The following UPF2 variants were observed in gnomAD, a reference collection of about 807,000 sequenced individuals.
UPF2 encodes UPF2 regulator of nonsense mediated mRNA decay.
Under a neutral mutation model 141.4 loss-of-function variants are expected in UPF2, and 17 were observed. That is an observed-to-expected ratio of 0.12 (90% CI 0.08 to 0.18). The LOEUF (loss-of-function observed/expected upper bound fraction) is 0.18. UPF2 is among the 10% of genes least tolerant of loss of function. UPF2 has a pLI of 1.00. For synonymous variants in UPF2, 540 were observed against 498.0 expected (o/e 1.08, Z -1.12); for missense variants, 1,152 against 1,515.9 (o/e 0.76, Z 3.99).
At chr10:12,022,069 G>A (rs1834327566) in intron 3 of UPF2, among the ~76,000 whole-genome samples, 3 of 152,120 alleles carry the variant, frequency 2.0e-5, no homozygotes, top group South Asian at 4.1e-4. Context: ...GAACCTAGGA[G>A]GTGGAAGTTG....
intron 18 of UPF2, among the ~76,000 whole-genome samples, chr10:11,941,849 G>A (rs1213872184): frequency 2.0e-5 from 3 of 152,204 alleles, no homozygotes; most frequent in Non-Finnish European, 4.4e-5. Context: ...TGAAATTACT[G>A]TGGCATTCAA....
Position 11,979,074 on chromosome 10 carries a change from C to G in UPF2, c.1936G>C (p.Gly646Arg). ...VAEDLCSMLR[G>R]DFRFHVRKKD... ...ATACATACATGAAATCTGAAATCCCCCCTCAGCATGGAACAAAGATCCTCT... is the reference window on the plus strand; with the variant it reads ...ATACATACATGAAATCTGAAATCCCGCCTCAGCATGGAACAAAGATCCTCT... The change falls in exon 9 of 22, where the codon GGG (glycine) becomes CGG (arginine). Residue 646 changes from glycine to arginine, a missense_variant. By Grantham distance (125) the Gly-to-Arg change is moderately radical. Transcript: ENST00000357604. This position sits in a 1 kb window ranked among gnomAD's most constrained non-coding sequence, Gnocchi z 6.2. 6.2e-7 allele frequency: 1 copy of G among 1,612,212 alleles called. No homozygotes were observed. The highest frequency in any genetic ancestry group is 8.5e-7 in the Non-Finnish European group (1 of 1,178,726).
At chr10:12,040,136 C>T (rs1039535821) in intron 1 of UPF2, among the ~76,000 whole-genome samples, 3 of 151,672 alleles carry the variant, frequency 2.0e-5, no homozygotes, top group African/African-American at 4.8e-5. Flanking sequence ...GAATTAGACT[C>T]GGGGCTGGGC....
intron 4 of UPF2, among the ~76,000 whole-genome samples, chr10:12,012,109 C>T (rs1162867865): frequency 6.7e-6 from 1 of 150,214 alleles, no homozygotes; most frequent in Non-Finnish European, 1.5e-5. Flanking sequence ...CTTGCCCAGG[C>T]TGGAGTGCAA....
At chr10:11,961,792 T>C (rs1254240738) in intron 11 of UPF2, among the ~76,000 whole-genome samples, 5 of 152,238 alleles carry the variant, frequency 3.3e-5, no homozygotes, top group Non-Finnish European at 7.3e-5. Flanking sequence ...TATTCACTCT[T>C]TCCTATGGAC....
intron 2 of UPF2, among the ~76,000 whole-genome samples, chr10:12,034,451 T>TA (rs1304047832): frequency 1.3e-5 from 2 of 151,900 alleles, no homozygotes; most frequent in African/African-American, 4.8e-5. Context: ...GCCTCCTGAG[T>TA]AACTGGGACT....
chr10:12,040,475 G>C (rs1176336173), intron 1 of UPF2, among the ~76,000 whole-genome samples: 1 of 151,988 alleles, frequency 6.6e-6, no homozygotes, highest in Admixed American at 6.6e-5. Flanking sequence ...CTGTACCCTA[G>C]AACATAATAA....
At chr10:11,983,116 T>C (rs762940930) in intron 8 of UPF2, among the ~76,000 whole-genome samples, 6 of 152,214 alleles carry the variant, frequency 3.9e-5, no homozygotes, top group Non-Finnish European at 2.9e-5. Flanking sequence ...GAATTATCTC[T>C]GGTAACTCAC....
In UPF2 at chr10:11,943,107, A is replaced by C. The variant is rs187453059; in HGVS notation, c.3236T>G (p.Leu1079Arg). 6.2e-7 allele frequency: 1 copy of C among 1,612,508 alleles called. No homozygotes were observed. The change falls in exon 17 of 22, where the codon CTT (leucine) becomes CGT (arginine). Residue 1079 changes from leucine to arginine, a missense_variant. By Grantham distance (102) the Leu-to-Arg change is moderately radical. This residue lies in a region of UPF2 where 202 missense variants were observed against 223.6 expected (regional missense o/e 0.90). Coordinates refer to ENST00000357604, the MANE Select transcript of UPF2 (RefSeq NM_015542.4). Reference protein sequence around the residue: ...EEEEEENTDYLTDSNKENETD... With the variant: ...EEEEEENTDYRTDSNKENETD... Reference sequence around the variant, plus strand: ...TTCATTTTCCTTATTGGAATCTGTAAGGTAATCTGTATTCTCTTCCTCCTC... The same window carrying C: ...TTCATTTTCCTTATTGGAATCTGTACGGTAATCTGTATTCTCTTCCTCCTC...
chr10:11,938,866 T>TGTTTTTTTTTTTTTTG (rs1180833674), intron 18 of UPF2, among the ~76,000 whole-genome samples: 13 of 88,638 alleles, frequency 1.5e-4, no homozygotes, highest in African/African-American at 4.8e-4. Flanking sequence ...TTTTTTTTTT[T>TGTTTTTTTTTTTTTTG]TTTTTTTTTT....
rs762400670 is a variant in UPF2, at chr10:12,001,692, T to A, written c.1638A>T (p.Lys546Asn). 1.9e-6 allele frequency: 3 copies of A among 1,601,134 alleles called. No individual in the cohort carries two copies. The East Asian group carries it at 6.7e-5, about 36-fold the overall frequency. ...GGDEAEDLTK[K>N]LLDEQEQEDE... ...GTTCTTTACCTTGTTCATCAAGAAG[T>A]TTCTTTGTAAGATCTTCAGCTTCAT... Residue 546 changes from lysine (K) to asparagine (N), a missense_variant, in exon 6 of 22, where the codon AAA (lysine) becomes AAT (asparagine). Transcript: ENST00000357604.
chr10:11,971,203 T>C (rs73571383), intron 9 of UPF2, among the ~76,000 whole-genome samples: 331 of 152,134 alleles, frequency 2.2e-3, no homozygotes, highest in African/African-American at 7.6e-3. Flanking sequence ...TTGTAACTTA[T>C]AAAAATGGCT....
At chr10:12,022,868 T>C (rs771041914) in intron 3 of UPF2, among the ~76,000 whole-genome samples, 3 of 152,144 alleles carry the variant, frequency 2.0e-5, no homozygotes, top group Admixed American at 1.3e-4. Flanking sequence ...ACTTTTTTTT[T>C]AACAATGGGC....
intron 4 of UPF2, among the ~76,000 whole-genome samples, chr10:12,013,018 G>GGGAGACTGACGCA (rs1834158340): frequency 6.6e-6 from 1 of 151,146 alleles, no homozygotes; most frequent in Admixed American, 6.6e-5. Context: ...CCAGCTACTT[G>GGGAGACTGACGCA]GGAGACTGAC....
chr10:12,017,020 G>A (rs11257483), intron 3 of UPF2, among the ~76,000 whole-genome samples: 7,734 of 139,076 alleles, frequency 0.056, 269 homozygotes, highest in Non-Finnish European at 0.081. Flanking sequence ...ACTCCATCTC[G>A]GAAAAAAAAA....
intron 18 of UPF2, among the ~76,000 whole-genome samples, chr10:11,941,827 AAT>A (rs1295890450): frequency 5.3e-5 from 8 of 152,210 alleles, no homozygotes; most frequent in Admixed American, 6.5e-5. Context: ...ACTCTAGAAA[AAT>A]ATAGTTACTT....
In UPF2 at chr10:11,935,237, C is replaced by T. The variant is rs932886363; in HGVS notation, c.3546+1308G>A. Reference sequence around the variant, plus strand: ...GCTTTATCCTCCTTGGTAGCCATCCCAACGTGACTTGGTGTATTTCTCATA... The same window carrying T: ...GCTTTATCCTCCTTGGTAGCCATCCTAACGTGACTTGGTGTATTTCTCATA... On this transcript the variant is annotated intron_variant, in intron 19 of 21. Coordinates refer to ENST00000357604, the MANE Select transcript of UPF2 (RefSeq NM_015542.4). This position sits in a 1 kb window ranked among gnomAD's most constrained non-coding sequence, Gnocchi z 4.9. 6.6e-6 allele frequency among the ~76,000 whole-genome samples: 1 copy of T among 152,092 alleles called. No individual in the cohort carries two copies. The highest frequency in any genetic ancestry group is 1.5e-5 in the Non-Finnish European group (1 of 68,020).
At chr10:11,997,532 T>TA in intron 8 of UPF2, 140 bp downstream of exon 8, 1 of 619,158 alleles carries the variant, frequency 1.6e-6, no homozygotes, top group South Asian at 3.9e-5. Flanking sequence ...AAACAAGTTC[T>TA]AAAAAATATG....
At chr10:12,007,853 T>G (rs1412789537) in intron 4 of UPF2, among the ~76,000 whole-genome samples, 2 of 132,320 alleles carry the variant, frequency 1.5e-5, no homozygotes, top group Non-Finnish European at 3.5e-5. Flanking sequence ...ATAATAATAA[T>G]AATAATAATA....
Sources: allele counts gnomAD v4.1 joint callset (sites outside exome capture counted in the v4.1 genomes callset), GRCh38; gene constraint gnomAD v4.1.1; regional missense constraint gnomAD v4.1.1; non-coding constraint Gnocchi (gnomAD v3.1); transcripts MANE v1.5; gene names NCBI Gene and HGNC (gene_info 2026-07-23, HGNC 2026-07-21).